NRXN1: variants seen among roughly 807,000 people sequenced by gnomAD.
The protein encoded by NRXN1 is neurexin-1.
Under a neutral mutation model 150.9 loss-of-function variants are expected in NRXN1, and 39 were observed. The observed-to-expected ratio is 0.26, with a 90% CI of 0.20 to 0.34. The LOEUF (loss-of-function observed/expected upper bound fraction) is 0.34, where lower values mean the gene tolerates loss of function less well. Among genes scored for constraint, NRXN1 ranks in the 10% least tolerant of loss-of-function variants. NRXN1 has a pLI of 1.00. For synonymous variants in NRXN1, 924 were observed against 757.0 expected, an observed-to-expected ratio of 1.22 and a Z score of -3.62; for missense variants, 1,815 against 1,949.9, an observed-to-expected ratio of 0.93 and a Z score of 1.30.
chr2:50,829,633 C>T (rs1671101873), intron 5 of NRXN1: 3 of 1,611,922 alleles, frequency 1.9e-6, no homozygotes, highest in Non-Finnish European at 2.5e-6. Flanking sequence ...CTGGGGATTC[C>T]AGTAGCCAGG....
chr2:49,986,971 G>C (rs960197579), intron 21 of NRXN1, among the ~76,000 whole-genome samples: 1 of 152,022 alleles, frequency 6.6e-6, no homozygotes, highest in African/African-American at 2.4e-5. Context: ...AGGCTGAAGT[G>C]GGAGGACCAC....
At chr2:50,732,523 T>C (rs1268600221) in intron 5 of NRXN1, among the ~76,000 whole-genome samples, 2 of 152,170 alleles carry the variant, frequency 1.3e-5, no homozygotes, top group South Asian at 2.1e-4. Context: ...GTTTTCTTTC[T>C]ATAATTTTGC....
At chr2:50,470,148 A>G (rs2089318430) in intron 16 of NRXN1, among the ~76,000 whole-genome samples, 2 of 151,712 alleles carry the variant, frequency 1.3e-5, no homozygotes, top group South Asian at 2.1e-4. Context: ...TTTAACAAAT[A>G]TGTTCCATAA....
At chr2:50,733,832 G>T (rs1698399227) in intron 5 of NRXN1, among the ~76,000 whole-genome samples, 2 of 152,130 alleles carry the variant, frequency 1.3e-5, no homozygotes, top group Admixed American at 1.3e-4. Context: ...AACTAGCAAA[G>T]ATTATAGTTT....
rs574579967 is a variant in NRXN1, at chr2:50,171,641, G to C, written c.3546+65148C>G. ...GGGGAGACAAAATCAAGTCTACTTAGATGCCACAAAAAATAAATTGAATAA... is the reference window on the plus strand; with the variant it reads ...GGGGAGACAAAATCAAGTCTACTTACATGCCACAAAAAATAAATTGAATAA... On this transcript the variant is annotated intron_variant, in intron 18 of 22. Coordinates refer to ENST00000401669, the MANE Select transcript of NRXN1 (RefSeq NM_001330078.2). Among the ~76,000 whole-genome samples the C allele has an allele frequency of 9.2e-5, 14 of 152,232 alleles. No homozygotes were observed. The South Asian group carries it at 2.7e-3, about 29-fold the overall frequency.
At chr2:50,438,915 T>G (rs2085682572) in intron 17 of NRXN1, among the ~76,000 whole-genome samples, 1 of 152,192 alleles carries the variant, frequency 6.6e-6, no homozygotes, top group Admixed American at 6.5e-5. Context: ...GTCATTCACA[T>G]ATTGTCTTGT....
intron 17 of NRXN1, among the ~76,000 whole-genome samples, chr2:50,423,949 C>T (rs1038960823): frequency 3.3e-5 from 5 of 151,966 alleles, no homozygotes; most frequent in African/African-American, 1.2e-4. Flanking sequence ...TCTCCTTTGC[C>T]CACTTCCAGA....
intron 9 of NRXN1, among the ~76,000 whole-genome samples, chr2:50,545,057 G>A (rs2093465386): frequency 1.3e-5 from 2 of 152,092 alleles, no homozygotes; most frequent in African/African-American, 2.4e-5. Context: ...ATGCCTAGAA[G>A]AAGAACTGGG....
chr2:50,745,574 A>G (rs1699925341), intron 5 of NRXN1, among the ~76,000 whole-genome samples: 1 of 152,078 alleles, frequency 6.6e-6, no homozygotes, highest in Non-Finnish European at 1.5e-5. Flanking sequence ...CATGCTGCTG[A>G]TAAAGACATA....
intron 17 of NRXN1, among the ~76,000 whole-genome samples, chr2:50,376,285 A>C (rs918520189): frequency 3.3e-5 from 5 of 151,920 alleles, no homozygotes; most frequent in Non-Finnish European, 7.4e-5. Context: ...AACATAAAAC[A>C]GTGATTTGGG....
chr2:50,824,667 T>C (rs1000099), intron 5 of NRXN1, among the ~76,000 whole-genome samples: 6,406 of 151,942 alleles, frequency 0.042, 487 homozygotes, highest in African/African-American at 0.15. Context: ...GGTAAGAAAA[T>C]AGATAATCCC....
chr2:50,570,742 A>T (rs1173266731), intron 8 of NRXN1, among the ~76,000 whole-genome samples: 4 of 150,084 alleles, frequency 2.7e-5, no homozygotes, highest in Non-Finnish European at 6.0e-5. Context: ...CAGTCATGTT[A>T]TATATATATA....
intron 2 of NRXN1, among the ~76,000 whole-genome samples, chr2:51,004,672 C>T (rs1700485781): frequency 6.7e-6 from 1 of 148,642 alleles, no homozygotes; most frequent in Admixed American, 6.8e-5. Flanking sequence ...AATAAACAAA[C>T]ATTTGCTCAA....
intron 21 of NRXN1, among the ~76,000 whole-genome samples, chr2:49,982,747 T>C (rs969527512): frequency 1.3e-5 from 2 of 152,186 alleles, no homozygotes; most frequent in Non-Finnish European, 2.9e-5. Context: ...CTGTGTTTTT[T>C]AGATAATGGA....
intron 21 of NRXN1, among the ~76,000 whole-genome samples, chr2:49,948,754 T>A (rs1673396480): frequency 6.6e-6 from 1 of 151,990 alleles, no homozygotes; most frequent in Non-Finnish European, 1.5e-5. Context: ...CTCAAATATG[T>A]CACATTAATC....
intron 18 of NRXN1, among the ~76,000 whole-genome samples, chr2:50,159,145 G>C (rs2059213304): frequency 6.6e-6 from 1 of 152,102 alleles, no homozygotes; most frequent in Admixed American, 6.6e-5. Context: ...GAAATAGCAA[G>C]AGGGCCAGAT....
intron 17 of NRXN1, among the ~76,000 whole-genome samples, chr2:50,385,821 C>G (rs2081293547): frequency 6.6e-6 from 1 of 151,534 alleles, no homozygotes; most frequent in African/African-American, 2.4e-5. Context: ...TGAATGACCT[C>G]AAAATAAAAA....
chr2:50,244,628 T>C (rs1194098117), intron 17 of NRXN1, among the ~76,000 whole-genome samples: 1 of 151,828 alleles, frequency 6.6e-6, no homozygotes, highest in Non-Finnish European at 1.5e-5. Flanking sequence ...GATCTGTTCA[T>C]TAAAGGTAAA....
In NRXN1 at chr2:50,642,455, G is replaced by T. The variant is rs754706175; in HGVS notation, c.833-18840C>A. Reference sequence around the variant, plus strand: ...TAAAAATGAGTGAAGGTTTTGAGGTGAGAAATAAAATTAATGAAATTTGAC... The same window carrying T: ...TAAAAATGAGTGAAGGTTTTGAGGTTAGAAATAAAATTAATGAAATTTGAC... On this transcript the variant is annotated intron_variant, in intron 5 of 22. Transcript: ENST00000401669. 5.9e-5 allele frequency among the ~76,000 whole-genome samples: 9 copies of T among 151,926 alleles called. 1 individual carries two copies. In the Middle Eastern group the frequency reaches 9.5e-3, roughly 160 times the overall value.
Sources: allele counts gnomAD v4.1 joint callset (sites outside exome capture counted in the v4.1 genomes callset), GRCh38; gene constraint gnomAD v4.1.1; transcripts MANE v1.5; gene names NCBI Gene and HGNC (gene_info 2026-07-23, HGNC 2026-07-21).